The following CTSZ variants were observed in gnomAD, a reference collection of about 807,000 sequenced individuals.
The protein encoded by CTSZ is cathepsin Z, also known as carboxypeptidase LB.
CTSZ carries 39 observed loss-of-function variants against 32.4 expected under a neutral mutation model. That is an observed-to-expected ratio of 1.20 (90% CI 0.93 to 1.57). The LOEUF (loss-of-function observed/expected upper bound fraction) is 1.57, where lower values mean the gene tolerates loss of function less well. Among genes scored for constraint, CTSZ ranks in the 40% most tolerant of loss-of-function variants. The pLI, the probability that CTSZ is intolerant of heterozygous loss-of-function variation, is 0.00. For missense variants in CTSZ, 397 were observed against 419.6 expected, an observed-to-expected ratio of 0.95 and a Z score of 0.47; for synonymous variants, 168 against 170.1, an observed-to-expected ratio of 0.99 and a Z score of 0.10.
intron 4 of CTSZ, among the ~76,000 whole-genome samples, 186 bp from the exon 5 acceptor site, chr20:58,996,987 C>T (rs925672145): frequency 1.3e-5 from 2 of 151,818 alleles, no homozygotes; most frequent in Non-Finnish European, 2.9e-5. Flanking sequence ...CGAAACCCCA[C>T]CTCTACAGAA....
In CTSZ at chr20:59,006,972, C is replaced by T; in HGVS notation, c.143+14G>A. On this transcript the variant is annotated intron_variant, in intron 1 of 5. Coordinates refer to ENST00000217131, the MANE Select transcript of CTSZ (RefSeq NM_001336.4). ...CTCCCGTCCCCCCAGGGCTGCCTCC[C>T]CGCCGGTGCCCACCTGCGCCCCAGC... is the stretch of plus-strand genomic sequence containing the variant. The T allele has an allele frequency of 7.0e-7, 1 of 1,425,764 alleles. No homozygotes were observed. Among genetic ancestry groups the T allele is most frequent in the Non-Finnish European group, 9.1e-7 (1 of 1,097,946 alleles). The allele number at this position is 1,425,764 out of a possible 1,614,324, so 88.3% of individuals were successfully genotyped here. A position where few individuals can be genotyped will look rare whatever the true frequency, so the allele number is the denominator to read the frequency against.
chr20:58,999,467 G>A (rs1184374896), intron 3 of CTSZ, among the ~76,000 whole-genome samples: 1 of 151,944 alleles, frequency 6.6e-6, no homozygotes, highest in African/African-American at 2.4e-5. Flanking sequence ...CCTGATACCT[G>A]CTTCCTGCTT....
intron 4 of CTSZ, chr20:58,997,267 A>G: frequency 4.3e-6 from 1 of 230,254 alleles, no homozygotes; most frequent in East Asian, 1.0e-4. Flanking sequence ...TTATTCACAT[A>G]GTGTCTTCCC....
Position 59,006,994 on chromosome 20 carries a change from C to T in CTSZ, c.135G>A (p.Leu45=). 6.8e-7 allele frequency: 1 copy of T among 1,462,196 alleles called. No homozygotes were observed. The highest frequency in any genetic ancestry group is 9.0e-7 in the Non-Finnish European group (1 of 1,114,322). 90.6% of individuals were successfully genotyped at this position (1,462,196 alleles called of 1,614,324 possible). A position where few individuals can be genotyped will look rare whatever the true frequency, so the allele number is the denominator to read the frequency against. ...RPLRGDGLAP[L]GRSTYPRPHE... Reference sequence around the variant, plus strand: ...TCCCCGCCGGTGCCCACCTGCGCCCCAGCGGAGCCAGCCCGTCCCCCCGCA... The same window carrying T: ...TCCCCGCCGGTGCCCACCTGCGCCCTAGCGGAGCCAGCCCGTCCCCCCGCA... The change falls in exon 1 of 6, where the codon CTG becomes CTA. Residue 45 remains leucine (L), a synonymous_variant. Transcript: ENST00000217131.
chr20:58,998,103 A>G (rs1568681967), intron 3 of CTSZ, among the ~76,000 whole-genome samples: 1 of 152,130 alleles, frequency 6.6e-6, no homozygotes, highest in Non-Finnish European at 1.5e-5. Context: ...CACTTAATAA[A>G]ATGTCTCTAT....
At chr20:59,000,080 ACAAAC>A (rs1413303970) in intron 3 of CTSZ, among the ~76,000 whole-genome samples, 4 of 21,202 alleles carry the variant, frequency 1.9e-4, no homozygotes, top group Non-Finnish European at 4.9e-4. Context: ...AAAAAAAAAA[ACAAAC>A]TACCAGTTAT....
chr20:59,006,536 G>A (rs756589555), intron 1 of CTSZ, 51 bp from the exon 2 acceptor site: 57 of 1,557,994 alleles, frequency 3.7e-5, no homozygotes, highest in Non-Finnish European at 4.5e-5. Flanking sequence ...CCCGGGGGCC[G>A]TGGGCCCAGG....
chr20:58,998,728 A>G (rs2091874111), intron 3 of CTSZ, among the ~76,000 whole-genome samples: 1 of 152,190 alleles, frequency 6.6e-6, no homozygotes, highest in South Asian at 2.1e-4. Context: ...TTTAAAAAAA[A>G]GAAAAAGTAC....
At chr20:58,997,559 T>C (rs417847) in intron 4 of CTSZ, 44 bp downstream of exon 4, 680,764 of 1,500,202 alleles carry the variant, frequency 0.45, 156,455 homozygotes, top group East Asian at 0.6. Flanking sequence ...GCGGGACCTT[T>C]CCTCACCCGC....
In CTSZ at chr20:59,002,475, C is replaced by G. The variant is rs1037426370; in HGVS notation, c.308-831G>C. Among the ~76,000 whole-genome samples the G allele has an allele frequency of 3.3e-5, 5 of 152,112 alleles. No individual in the cohort carries two copies. The highest frequency in any genetic ancestry group is 6.5e-5 in the Admixed American group (1 of 15,282). On this transcript the variant is annotated intron_variant, in intron 2 of 5. Transcript: ENST00000217131. The surrounding 1 kb of genome is among the most constrained non-coding windows in gnomAD (Gnocchi z 4.1). ...GTTCAAGTCGGAACTCTTCCTGCAG[C>G]CTCACCTGTCCCTCCCCCAGGGCAC... is the stretch of plus-strand genomic sequence containing the variant.
chr20:58,997,694 G>A lies in CTSZ; in HGVS notation c.547C>T (p.Arg183Trp), dbSNP rs750260856. 35 of 1,608,852 alleles carry A rather than the reference G, an allele frequency of 2.2e-5. No individual in the cohort carries two copies. Among genetic ancestry groups the A allele is most frequent in the Non-Finnish European group, 2.5e-5 (30 of 1,177,714 alleles). The change falls in exon 4 of 6, where the codon CGG becomes TGG. Residue 183 changes from arginine (R) to tryptophan (W), a missense_variant. Arg to Trp is a moderately radical substitution (Grantham distance 101). Transcript: ENST00000217131. ...CNEFKECHAI[R>W]NYTLWRVGDY... The stretch of plus-strand genomic sequence containing the variant: ...CCCACCCTCCAGAGGGTGTAGTTCC[G>A]GATGGCGTGGCACTCTTTGAATTCA...
rs901734318 is a variant in CTSZ, at chr20:58,995,222, C to T, written c.*427G>A. On this transcript the variant is annotated 3_prime_UTR_variant, in exon 6 of 6. Coordinates refer to ENST00000217131, the MANE Select transcript of CTSZ (RefSeq NM_001336.4). ...CCAGATACTTTATTCATCACTTGGG[C>T]GATTTGAAACTGCCAACTCCCTCCC... 2 of 172,166 alleles carry T rather than the reference C, an allele frequency of 1.2e-5. No homozygotes were observed. The highest frequency in any genetic ancestry group is 2.5e-5 in the Non-Finnish European group (2 of 81,316). The allele number at this position is 172,166 out of a possible 1,614,324, so 10.7% of individuals were successfully genotyped here. A position where few individuals can be genotyped will look rare whatever the true frequency, so the allele number is the denominator to read the frequency against.
intron 4 of CTSZ, 124 bp from the exon 5 acceptor site, chr20:58,996,925 G>C (rs1300792845): frequency 2.5e-5 from 26 of 1,047,254 alleles, no homozygotes; most frequent in Non-Finnish European, 3.3e-5. Context: ...GGGAGGCCGA[G>C]GCAGGTGGAT....
At chr20:58,997,154 T>G (rs1232727255) in intron 4 of CTSZ, among the ~76,000 whole-genome samples, 1 of 100,694 alleles carries the variant, frequency 9.9e-6, no homozygotes, top group Non-Finnish European at 1.9e-5. Flanking sequence ...AGAGTGAGAC[T>G]GTGTTTCAAA....
At position 58,995,603 on chromosome 20, in the gene CTSZ, T is replaced by C. The variant is rs200993587; in HGVS notation, c.*46A>G. 18 of 1,561,766 alleles carry C rather than the reference T, an allele frequency of 1.2e-5. No individual in the cohort carries two copies. In the East Asian group the frequency reaches 3.1e-4, roughly 27 times the overall value. On this transcript the variant is annotated 3_prime_UTR_variant, in exon 6 of 6. Transcript: ENST00000217131. ...ATAACCATAGGATCCCCTCTGGTCA[T>C]GGGTCACCATGCCTTTTCTTAAACT...
In CTSZ at chr20:59,007,026, G is replaced by A. The variant is rs746016937; in HGVS notation, c.103C>T (p.Arg35Trp). 4.7e-6 allele frequency: 7 copies of A among 1,474,814 alleles called. No homozygotes were observed. The South Asian group carries it at 6.4e-5, about 13-fold the overall frequency. The allele number at this position is 1,474,814 out of a possible 1,614,324, so 91.4% of individuals were successfully genotyped here. A position where few individuals can be genotyped will look rare whatever the true frequency, so the allele number is the denominator to read the frequency against. The change falls in exon 1 of 6, where the codon CGG becomes TGG. Residue 35 changes from arginine to tryptophan, a missense_variant. Arg to Trp is a moderately radical substitution (Grantham distance 101, BLOSUM62 -3). Transcript: ENST00000217131. ...GCCAGCCCGTCCCCCCGCAGAGGCCGGTAGCAGGTCTGTCCCCGGCGGAAG... is the reference window on the plus strand; with the variant it reads ...GCCAGCCCGTCCCCCCGCAGAGGCCAGTAGCAGGTCTGTCCCCGGCGGAAG... Reference protein sequence around the residue: ...LYFRRGQTCYRPLRGDGLAPL... With the variant: ...LYFRRGQTCYWPLRGDGLAPL...
chr20:59,001,318 G>A, intron 3 of CTSZ, 147 bp downstream of exon 3: 5 of 898,490 alleles, frequency 5.6e-6, no homozygotes, highest in East Asian at 2.7e-5. Flanking sequence ...AGCGCCCCTG[G>A]GGGCTGCAAC....
rs1012121048 is a variant in CTSZ at position 59,006,186 on chromosome 20, C to T, written c.307+136G>A. ...GCAGAGGGCAAAGGCCCGCGCTCCT[C>T]GGCCTTAGCACCCCAGCCCAGGCTG... On this transcript the variant is annotated intron_variant, in intron 2 of 5. Transcript: ENST00000217131. 136 of 1,201,834 alleles carry T rather than the reference C, an allele frequency of 1.1e-4. 1 individual carries two copies. In the East Asian group the frequency reaches 3.4e-3, roughly 30 times the overall value. 74.4% of individuals were successfully genotyped at this position (1,201,834 alleles called of 1,614,324 possible).
At position 59,002,865 on chromosome 20, in the gene CTSZ, G is replaced by A. The variant is rs1044350298; in HGVS notation, c.308-1221C>T. Among the ~76,000 whole-genome samples, 5 of 151,448 alleles carry A rather than the reference G, an allele frequency of 3.3e-5. No individual in the cohort carries two copies. Among genetic ancestry groups the A allele is most frequent in the South Asian group, 2.1e-4 (1 of 4,782 alleles). Reference sequence around the variant, plus strand: ...GCTCCCTCCAGCTTTCCTTCTCCCCGCTCCCTTGTCAGCTATGCCCCCTCT... The same window carrying A: ...GCTCCCTCCAGCTTTCCTTCTCCCCACTCCCTTGTCAGCTATGCCCCCTCT... On this transcript the variant is annotated intron_variant, in intron 2 of 5. Transcript: ENST00000217131. This position sits in a 1 kb window ranked among gnomAD's most constrained non-coding sequence, Gnocchi z 4.1.
Sources: gnomAD v4.1 joint callset for allele counts (sites outside exome capture counted in the v4.1 genomes callset) on GRCh38, gnomAD v4.1.1 for gene constraint, Gnocchi (gnomAD v3.1) non-coding constraint, MANE v1.5 for transcripts, NCBI Gene and HGNC (gene_info 2026-07-23, HGNC 2026-07-21) for gene names.